PHLPP1: variants seen among roughly 807,000 people sequenced by gnomAD.
PHLPP1 encodes the protein PH domain leucine-rich repeat-containing protein phosphatase 1.
PHLPP1 carries 42 observed loss-of-function variants against 117.2 expected under a neutral mutation model. That is an observed-to-expected ratio of 0.36 (90% CI 0.28 to 0.46). The LOEUF is 0.46. Ranked by LOEUF, PHLPP1 falls within the 20% of genes least tolerant of loss-of-function variation. PHLPP1 has a pLI of 1.00. For synonymous variants in PHLPP1, 1,042 were observed against 970.7 expected (o/e 1.07, Z -1.37); for missense variants, 2,084 against 2,241.9 (o/e 0.93, Z 1.42).
intron 14 of PHLPP1, among the ~76,000 whole-genome samples, chr18:62,970,251 C>T (rs1877604791): frequency 6.6e-6 from 1 of 152,120 alleles, no homozygotes; most frequent in Non-Finnish European, 1.5e-5. Context: ...CTGTCCTGGC[C>T]TTTATGCTGT....
rs753536759 is a variant in PHLPP1, at chr18:62,978,924, TGAG to T, written c.4651_4653del (p.Glu1551del). ...CCGACAACGGCCTTGACAGTGACGA[TGAG>T]GAGCCCATCGAGGGCGTCTTCACCA... On this transcript the variant is annotated inframe_deletion, in exon 17 of 17. Coordinates refer to ENST00000262719, the MANE Select transcript of PHLPP1 (RefSeq NM_194449.4). This position sits in a 1 kb window ranked among gnomAD's most constrained non-coding sequence, Gnocchi z 7.0. 14 of 1,608,568 alleles carry T rather than the reference TGAG, an allele frequency of 8.7e-6. No homozygotes were observed. The highest frequency in any genetic ancestry group is 1.6e-4 in the Middle Eastern group (1 of 6,080).
chr18:62,825,352 G>A (rs1914581340), intron 1 of PHLPP1: 1 of 147,774 alleles, frequency 6.8e-6, no homozygotes, highest in Admixed American at 6.8e-5. Context: ...AAAAACCAAT[G>A]TATGTATATA....
intron 4 of PHLPP1, among the ~76,000 whole-genome samples, chr18:62,890,857 T>A (rs1182516105): frequency 6.6e-6 from 1 of 152,210 alleles, no homozygotes; most frequent in Non-Finnish European, 1.5e-5. Flanking sequence ...GGAACTTTTT[T>A]TTAAGTTAAT....
chr18:62,846,102 G>A (rs895978197), intron 3 of PHLPP1, among the ~76,000 whole-genome samples: 17 of 151,494 alleles, frequency 1.1e-4, no homozygotes, highest in Admixed American at 4.6e-4. Context: ...CCAGCTACCC[G>A]GGAGGCTGAG....
chr18:62,968,417 CTCTT>C (rs1568177562), intron 14 of PHLPP1, among the ~76,000 whole-genome samples: 1 of 150,460 alleles, frequency 6.6e-6, no homozygotes, highest in South Asian at 2.1e-4. Context: ...ATAGGATTAT[CTCTT>C]TCTTCTTGAA....
chr18:62,899,551 G>A (rs190436222), intron 6 of PHLPP1, among the ~76,000 whole-genome samples: 2 of 152,030 alleles, frequency 1.3e-5, no homozygotes, highest in Admixed American at 6.6e-5. Flanking sequence ...TACATCATTC[G>A]TGGCACTTAC....
chr18:62,945,491 T>A (rs1467918062), intron 12 of PHLPP1, among the ~76,000 whole-genome samples: 1 of 152,164 alleles, frequency 6.6e-6, no homozygotes, highest in Non-Finnish European at 1.5e-5. Context: ...GAAAATTGGA[T>A]TTCTAGGCTG....
chr18:62,761,131 C>G (rs987714467), intron 1 of PHLPP1, among the ~76,000 whole-genome samples: 5 of 151,960 alleles, frequency 3.3e-5, no homozygotes, highest in African/African-American at 9.7e-5. Flanking sequence ...TCCCAAAGTG[C>G]TGGGATTACA....
In PHLPP1 at chr18:62,963,460, G is replaced by T; in HGVS notation, c.3548G>T (p.Gly1183Val). The change falls in exon 14 of 17, where the codon GGG becomes GTG. Residue 1183 changes from glycine (G) to valine (V), a missense_variant. Gly to Val is a moderately radical substitution (Grantham distance 109, BLOSUM62 -3). This residue lies in a region of PHLPP1 where 1,365 missense variants were observed against 1,605.9 expected (regional missense o/e 0.85). Transcript: ENST00000262719. ...VWSHGYTEASGVKNKLCVAAL... is the reference protein window; with the variant it reads ...VWSHGYTEASVVKNKLCVAAL... The stretch of plus-strand genomic sequence containing the variant: ...AGTCATGGTTACACTGAAGCTTCGG[G>T]GGTAAAAAACAAGTAAGTCAGATGA... 2 of 1,609,874 alleles carry T rather than the reference G, an allele frequency of 1.2e-6. No homozygotes were observed. The highest frequency in any genetic ancestry group is 1.1e-5 in the South Asian group (1 of 90,208).
intron 1 of PHLPP1, among the ~76,000 whole-genome samples, chr18:62,735,564 AAAC>A (rs34600395): frequency 0.088 from 12,628 of 142,866 alleles, 564 homozygotes; most frequent in African/African-American, 0.12. Flanking sequence ...CCCCCCATCA[AAAC>A]AACAACAACA....
chr18:62,761,966 A>T (rs1599031533), intron 1 of PHLPP1, among the ~76,000 whole-genome samples: 1 of 152,094 alleles, frequency 6.6e-6, no homozygotes, highest in African/African-American at 2.4e-5. Context: ...CCTACACTCT[A>T]TCCTCATTAT....
intron 4 of PHLPP1, among the ~76,000 whole-genome samples, chr18:62,875,768 TC>T (rs1373459426): frequency 6.6e-6 from 1 of 151,826 alleles, no homozygotes; most frequent in Non-Finnish European, 1.5e-5. Context: ...CACTCTATCC[TC>T]CCCCCGAGGT....
rs561089222 is a variant in PHLPP1 at position 62,919,212 on chromosome 18, T to C, written c.2805-747T>C. On this transcript the variant is annotated intron_variant, in intron 9 of 16. Transcript: ENST00000262719. ...CCAGGGCCTGTTTTCTCTGTAATGT[T>C]GGAGAAGTCTGAAGTGGTCATAATG... Among the ~76,000 whole-genome samples the C allele has an allele frequency of 2.0e-3, 304 of 152,324 alleles. 1 individual carries two copies. Among genetic ancestry groups the C allele is most frequent in the African/African-American group, 7.0e-3 (290 of 41,566 alleles).
At chr18:62,958,170 A>C (rs554530578) in intron 12 of PHLPP1, among the ~76,000 whole-genome samples, 2 of 151,252 alleles carry the variant, frequency 1.3e-5, no homozygotes, top group Admixed American at 1.3e-4. Flanking sequence ...GATCCACCCT[A>C]CTCGGCCTCC....
intron 4 of PHLPP1, among the ~76,000 whole-genome samples, chr18:62,862,175 G>A (rs1216165189): frequency 6.6e-6 from 1 of 151,600 alleles, no homozygotes; most frequent in Non-Finnish European, 1.5e-5. Flanking sequence ...TGCCTCCCGC[G>A]TTCTAGTGAT....
At chr18:62,929,011 G>A (rs73963627) in intron 10 of PHLPP1, among the ~76,000 whole-genome samples, 7,817 of 152,206 alleles carry the variant, frequency 0.051, 671 homozygotes, top group African/African-American at 0.18. Flanking sequence ...CTACAGATGG[G>A]TATAGGGTTT....
At chr18:62,803,109 A>G (rs1568121976) in intron 1 of PHLPP1, among the ~76,000 whole-genome samples, 1 of 151,754 alleles carries the variant, frequency 6.6e-6, no homozygotes, top group African/African-American at 2.4e-5. Context: ...AATAATCTCA[A>G]ATGTTTTGTT....
chr18:62,912,821 G>A (rs1245585259), intron 8 of PHLPP1, among the ~76,000 whole-genome samples: 6 of 152,016 alleles, frequency 3.9e-5, no homozygotes, highest in East Asian at 1.9e-4. Flanking sequence ...GGGTTTCACC[G>A]TGTTGGCCAG....
chr18:62,841,871 T>C (rs932369384), intron 3 of PHLPP1, among the ~76,000 whole-genome samples: 2 of 152,226 alleles, frequency 1.3e-5, no homozygotes. Context: ...TAAGACCTTC[T>C]TTCCTTTTAG....
Sources: gnomAD v4.1 joint callset for allele counts (sites outside exome capture counted in the v4.1 genomes callset) on GRCh38, gnomAD v4.1.1 for gene constraint, gnomAD v4.1.1 regional missense constraint, Gnocchi (gnomAD v3.1) non-coding constraint, MANE v1.5 for transcripts, NCBI Gene and HGNC (gene_info 2026-07-23, HGNC 2026-07-21) for gene names.